The following PCDHGA10 variants were observed in gnomAD, a reference collection of about 807,000 sequenced individuals.
PCDHGA10 encodes protocadherin gamma subfamily A, 10.
Under a neutral mutation model 59.5 loss-of-function variants are expected in PCDHGA10, and 42 were observed. The observed-to-expected ratio is 0.71, with a 90% CI of 0.55 to 0.91. PCDHGA10 has a LOEUF of 0.91. Ranked by LOEUF, PCDHGA10 falls within the 40% of genes least tolerant of loss-of-function variation. PCDHGA10 has a pLI of 0.00. For synonymous variants in PCDHGA10, 511 were observed against 517.2 expected, an observed-to-expected ratio of 0.99 and a Z score of 0.16; for missense variants, 1,111 against 1,198.2, an observed-to-expected ratio of 0.93 and a Z score of 1.07.
intron 1 of PCDHGA10, among the ~76,000 whole-genome samples, chr5:141,481,215 G>T (rs1238465869): frequency 6.6e-6 from 1 of 152,152 alleles, no homozygotes; most frequent in Non-Finnish European, 1.5e-5. Context: ...AACATGGTAA[G>T]GTCTCCCAGC....
intron 1 of PCDHGA10, among the ~76,000 whole-genome samples, chr5:141,447,632 T>G (rs931349669): frequency 9.2e-5 from 14 of 152,160 alleles, no homozygotes; most frequent in Non-Finnish European, 2.1e-4. Flanking sequence ...ACCAACAGTA[T>G]GAATGATGGT....
chr5:141,479,000 T>C (rs2099485433), intron 1 of PCDHGA10, among the ~76,000 whole-genome samples: 1 of 152,244 alleles, frequency 6.6e-6, no homozygotes, highest in Non-Finnish European at 1.5e-5. Flanking sequence ...TTAAAACTAA[T>C]AGCTTTTTGA....
intron 1 of PCDHGA10, among the ~76,000 whole-genome samples, chr5:141,442,633 C>A (rs1210890820): frequency 6.6e-6 from 1 of 152,158 alleles, no homozygotes; most frequent in Admixed American, 6.5e-5. Flanking sequence ...AGCAGCAAGA[C>A]CAAAGGCCTA....
intron 1 of PCDHGA10, chr5:141,430,634 C>G: frequency 1.1e-6 from 1 of 882,730 alleles, no homozygotes; most frequent in Non-Finnish European, 1.7e-6. Flanking sequence ...TGAACCATCC[C>G]TGGGAGTATG....
Position 141,413,157 on chromosome 5 carries a change from A to T in PCDHGA10, c.-19A>T. On this transcript the variant is annotated 5_prime_UTR_variant, in exon 1 of 4. Transcript: ENST00000398610. ...ACGTGTCCAGTGAGGACTTTGCAGA[A>T]TTCTGTAACCAGACTACAATGGCCG... 1.3e-6 allele frequency: 2 copies of T among 1,578,898 alleles called. No homozygotes were observed. The highest frequency in any genetic ancestry group is 1.7e-6 in the Non-Finnish European group (2 of 1,162,218).
intron 1 of PCDHGA10, among the ~76,000 whole-genome samples, chr5:141,459,755 G>A (rs1383912891): frequency 2.0e-5 from 3 of 152,182 alleles, no homozygotes; most frequent in African/African-American, 7.2e-5. Flanking sequence ...CAATTCTAGT[G>A]GGTGTGTGAT....
intron 1 of PCDHGA10, among the ~76,000 whole-genome samples, chr5:141,445,902 T>C (rs1022574381): frequency 3.9e-5 from 6 of 152,186 alleles, no homozygotes; most frequent in Non-Finnish European, 8.8e-5. Context: ...TTAAAATATT[T>C]TAAACAAGGC....
intron 1 of PCDHGA10, among the ~76,000 whole-genome samples, chr5:141,462,211 C>T (rs543979258): frequency 2.0e-5 from 3 of 151,998 alleles, no homozygotes; most frequent in South Asian, 2.1e-4. Context: ...CCGCCTGCCT[C>T]GGCCTCCCAA....
At position 141,477,226 on chromosome 5, in the gene PCDHGA10, C is replaced by G. The variant is rs779570150; in HGVS notation, c.2437-17581C>G. 59 of 1,614,076 alleles carry G rather than the reference C, an allele frequency of 3.7e-5. No homozygotes were observed. The highest frequency in any genetic ancestry group is 1.3e-4 in the Admixed American group (8 of 60,004). On this transcript the variant is annotated intron_variant, in intron 1 of 3. Coordinates refer to ENST00000398610, the MANE Select transcript of PCDHGA10 (RefSeq NM_018913.3). This position sits in a 1 kb window ranked among gnomAD's most constrained non-coding sequence, Gnocchi z 4.9. ...CCGAGGATGCCCCTCTGGGGACTGT[C>G]ATCGCTTTGCTCAGTGTGACTGACC...
rs1173771781 is a variant in PCDHGA10 at position 141,486,312 on chromosome 5, G to A, written c.2437-8495G>A. Reference sequence around the variant, plus strand: ...ATCAGTGTGCAGGATCCAGACTCAGGGTCAAACGGAGATGTGAGCCTCCGC... The same window carrying A: ...ATCAGTGTGCAGGATCCAGACTCAGAGTCAAACGGAGATGTGAGCCTCCGC... On this transcript the variant is annotated intron_variant, in intron 1 of 3. Coordinates refer to ENST00000398610, the MANE Select transcript of PCDHGA10 (RefSeq NM_018913.3). The surrounding 1 kb of genome is among the most constrained non-coding windows in gnomAD (Gnocchi z 5.0). The A allele has an allele frequency of 1.2e-6, 2 of 1,613,864 alleles. No individual in the cohort carries two copies. Among genetic ancestry groups the A allele is most frequent in the African/African-American group, 1.3e-5 (1 of 74,842 alleles).
intron 2 of PCDHGA10, among the ~76,000 whole-genome samples, chr5:141,500,176 A>G (rs922155744): frequency 1.4e-5 from 2 of 145,916 alleles, no homozygotes; most frequent in Admixed American, 1.4e-4. Flanking sequence ...CATGAGCTTC[A>G]TTTTTATTTT....
intron 1 of PCDHGA10, chr5:141,433,013 AC>A: frequency 6.2e-7 from 1 of 1,614,018 alleles, no homozygotes; most frequent in Non-Finnish European, 8.5e-7. Flanking sequence ...TTTCCTGCAG[AC>A]CTATTCCCAC....
rs201386958 is a variant in PCDHGA10 at position 141,413,172 on chromosome 5, T to G, written c.-4T>G. 2.6e-4 allele frequency: 413 copies of G among 1,598,292 alleles called. 3 individuals carry two copies. In the East Asian group the frequency reaches 7.0e-3, roughly 27 times the overall value. ...ACTTTGCAGAATTCTGTAACCAGACTACAATGGCCGCTCAAAGGAATCGCT... is the reference window on the plus strand; with the variant it reads ...ACTTTGCAGAATTCTGTAACCAGACGACAATGGCCGCTCAAAGGAATCGCT... On this transcript the variant is annotated 5_prime_UTR_variant, in exon 1 of 4. Coordinates refer to ENST00000398610, the MANE Select transcript of PCDHGA10 (RefSeq NM_018913.3).
chr5:141,419,701 C>T (rs1268060859), intron 1 of PCDHGA10: 7 of 1,612,860 alleles, frequency 4.3e-6, no homozygotes, highest in Non-Finnish European at 5.9e-6. Flanking sequence ...CCAGTGAGCC[C>T]GGGCTCTTCA....
At position 141,477,166 on chromosome 5, in the gene PCDHGA10, G is replaced by A. The variant is rs753389305; in HGVS notation, c.2437-17641G>A. ...TTGTGGATGTGAATGACAACGCCCC[G>A]GAGATCACAGTCACCTCCGTGTACA... On this transcript the variant is annotated intron_variant, in intron 1 of 3. Transcript: ENST00000398610. This position sits in a 1 kb window ranked among gnomAD's most constrained non-coding sequence, Gnocchi z 4.9. 5.9e-5 allele frequency: 96 copies of A among 1,614,012 alleles called. 1 individual carries two copies. Among genetic ancestry groups the A allele is most frequent in the Non-Finnish European group, 7.9e-5 (93 of 1,180,030 alleles).
rs375080564 is a variant in PCDHGA10 at position 141,486,676 on chromosome 5, T to C, written c.2437-8131T>C. On this transcript the variant is annotated intron_variant, in intron 1 of 3. Transcript: ENST00000398610. The surrounding 1 kb of genome is among the most constrained non-coding windows in gnomAD (Gnocchi z 5.0). ...CACTCCTGGAGCCCAGGAATCGAGA[T>C]GTATCAGCTTCCTCTTTCATCTCTC... The C allele has an allele frequency of 6.2e-7, 1 of 1,614,120 alleles. No homozygotes were observed. The highest frequency in any genetic ancestry group is 1.7e-5 in the Admixed American group (1 of 60,032).
chr5:141,474,819 G>A (rs1180279468), intron 1 of PCDHGA10, among the ~76,000 whole-genome samples: 1 of 152,190 alleles, frequency 6.6e-6, no homozygotes, highest in Non-Finnish European at 1.5e-5. Flanking sequence ...CATTAATTGA[G>A]GCTTACTCTG....
rs200064261 is a variant in PCDHGA10, at chr5:141,487,515, G to A, written c.2437-7292G>A. 3.7e-5 allele frequency: 59 copies of A among 1,614,018 alleles called. No homozygotes were observed. The highest frequency in any genetic ancestry group is 8.8e-5 in the South Asian group (8 of 91,086). On this transcript the variant is annotated intron_variant, in intron 1 of 3. Coordinates refer to ENST00000398610, the MANE Select transcript of PCDHGA10 (RefSeq NM_018913.3). The surrounding 1 kb of genome is among the most constrained non-coding windows in gnomAD (Gnocchi z 5.0). Reference sequence around the variant, plus strand: ...ACACCCTTGGCTTCTGCACCCACTCGGAGTGATAGCTTCATGATGGTGAAG... The same window carrying A: ...ACACCCTTGGCTTCTGCACCCACTCAGAGTGATAGCTTCATGATGGTGAAG...
At chr5:141,495,123 T>C (rs2099759225) in intron 2 of PCDHGA10, among the ~76,000 whole-genome samples, 1 of 152,162 alleles carries the variant, frequency 6.6e-6, no homozygotes, top group African/African-American at 2.4e-5. Flanking sequence ...TCCTATCCCC[T>C]GAGGGCACTG....
Sources: gnomAD v4.1 joint callset for allele counts (sites outside exome capture counted in the v4.1 genomes callset) on GRCh38, gnomAD v4.1.1 for gene constraint, Gnocchi (gnomAD v3.1) non-coding constraint, MANE v1.5 for transcripts, NCBI Gene and HGNC (gene_info 2026-07-23, HGNC 2026-07-21) for gene names.